CACNA1C: variants seen among roughly 807,000 people sequenced by gnomAD.
The protein encoded by CACNA1C is calcium voltage-gated channel subunit alpha1 C.
A neutral mutation model predicts 229.0 loss-of-function variants in CACNA1C; 30 were observed. That is an observed-to-expected ratio of 0.13 (90% CI 0.10 to 0.18). The LOEUF is 0.18. CACNA1C is among the 10% of genes least tolerant of loss of function. The pLI is 1.00. For missense variants in CACNA1C, 1,658 were observed against 2,845.0 expected, an observed-to-expected ratio of 0.58 and a Z score of 9.49; for synonymous variants, 1,114 against 1,132.5, an observed-to-expected ratio of 0.98 and a Z score of 0.33.
intron 3 of CACNA1C, among the ~76,000 whole-genome samples, chr12:2,197,328 C>G (rs1373217592): frequency 6.6e-6 from 1 of 152,170 alleles, no homozygotes; most frequent in Non-Finnish European, 1.5e-5. Flanking sequence ...CCTTGCTGCC[C>G]CCATCCCCCT....
intron 3 of CACNA1C, chr12:2,222,411 C>G (rs1566496390): frequency 6.6e-6 from 1 of 152,244 alleles, no homozygotes; most frequent in Non-Finnish European, 1.5e-5. Context: ...AATGCACAGA[C>G]TCTTGGCTGC....
At chr12:1,989,248 G>T (rs2038697853) in intron 1 of CACNA1C, among the ~76,000 whole-genome samples, 1 of 152,166 alleles carries the variant, frequency 6.6e-6, no homozygotes, top group East Asian at 1.9e-4. Context: ...ATCTGGATAT[G>T]GCGGTTTAGC....
intron 3 of CACNA1C, among the ~76,000 whole-genome samples, chr12:2,411,540 C>G (rs887264091): frequency 2.0e-5 from 3 of 152,184 alleles, no homozygotes; most frequent in African/African-American, 2.4e-5. Context: ...GAACAGAGCC[C>G]TTGCCTCTGT....
At chr12:2,417,538 C>G (rs534246769) in intron 3 of CACNA1C, among the ~76,000 whole-genome samples, 1 of 152,258 alleles carries the variant, frequency 6.6e-6, no homozygotes, top group East Asian at 1.9e-4. Context: ...TCTGGCCTGT[C>G]GGATCAAGGG....
At chr12:2,507,405 G>A (rs887763939) in intron 8 of CACNA1C, among the ~76,000 whole-genome samples, 1 of 152,182 alleles carries the variant, frequency 6.6e-6, no homozygotes, top group Non-Finnish European at 1.5e-5. Context: ...GCCAAAGCTG[G>A]AATCAGCTTC....
intron 34 of CACNA1C, among the ~76,000 whole-genome samples, chr12:2,661,187 A>G (rs978078927): frequency 1.1e-4 from 16 of 151,854 alleles, no homozygotes; most frequent in Non-Finnish European, 2.2e-4. Flanking sequence ...ACTTGGGCCC[A>G]GGAGTTTGAG....
chr12:2,027,745 T>C (rs892765448), intron 1 of CACNA1C, among the ~76,000 whole-genome samples: 3 of 152,208 alleles, frequency 2.0e-5, no homozygotes, highest in African/African-American at 7.2e-5. Flanking sequence ...AATTATTCAT[T>C]GACCAAGCTT....
intron 3 of CACNA1C, among the ~76,000 whole-genome samples, chr12:2,187,524 C>T (rs976125649): frequency 2.9e-4 from 34 of 117,814 alleles, no homozygotes; most frequent in Non-Finnish European, 2.8e-4. Context: ...TGAGCATCTG[C>T]GCAGGGCTTA....
intron 3 of CACNA1C, among the ~76,000 whole-genome samples, chr12:2,374,843 G>A (rs775831053): frequency 6.6e-6 from 1 of 152,206 alleles, no homozygotes; most frequent in Non-Finnish European, 1.5e-5. Context: ...AGGCAGAAGC[G>A]CGTTTCCTCA....
At chr12:2,652,247 C>G (rs994887103) in intron 32 of CACNA1C, among the ~76,000 whole-genome samples, 3 of 152,172 alleles carry the variant, frequency 2.0e-5, no homozygotes, top group Non-Finnish European at 4.4e-5. Context: ...CGGCCAGAGT[C>G]GCAGGACCCT....
intron 18 of CACNA1C, among the ~76,000 whole-genome samples, chr12:2,589,165 G>A (rs935338398): frequency 1.3e-5 from 2 of 152,162 alleles, no homozygotes; most frequent in African/African-American, 4.8e-5. Context: ...TAGGTACCAG[G>A]GACATGGGGG....
At chr12:2,139,586 A>G (rs2093930590) in intron 3 of CACNA1C, among the ~76,000 whole-genome samples, 1 of 150,930 alleles carries the variant, frequency 6.6e-6, no homozygotes, top group Admixed American at 6.7e-5. Context: ...GCTGGTCCTG[A>G]CTGGGCCGCT....
intron 3 of CACNA1C, among the ~76,000 whole-genome samples, chr12:2,404,861 A>G (rs34729625): frequency 0.12 from 18,111 of 152,200 alleles, 1,307 homozygotes; most frequent in African/African-American, 0.19. Flanking sequence ...GTATCCAGGA[A>G]GAAGAGTAGC....
chr12:1,973,045 T>C (rs1337534910), intron 1 of CACNA1C, among the ~76,000 whole-genome samples: 1 of 152,234 alleles, frequency 6.6e-6, no homozygotes, highest in Non-Finnish European at 1.5e-5. Flanking sequence ...CTCAAAATGC[T>C]TTCCTCCGGC....
chr12:2,579,020 C>T (rs968645473), intron 13 of CACNA1C, among the ~76,000 whole-genome samples: 9 of 152,102 alleles, frequency 5.9e-5, no homozygotes, highest in Non-Finnish European at 1.3e-4. Flanking sequence ...TTCTGAGGGG[C>T]TCCCAGGTCA....
intron 1 of CACNA1C, among the ~76,000 whole-genome samples, chr12:2,009,644 C>T (rs1221570227): frequency 1.3e-5 from 2 of 152,124 alleles, no homozygotes; most frequent in African/African-American, 4.8e-5. Flanking sequence ...TATGAGTTGC[C>T]CTTTTTTTGC....
chr12:2,255,286 ACCT>A (rs1356637280), intron 3 of CACNA1C, among the ~76,000 whole-genome samples: 2 of 151,528 alleles, frequency 1.3e-5, no homozygotes, highest in African/African-American at 4.9e-5. Flanking sequence ...AAAAAAAAAA[ACCT>A]AGTTACTAGG....
intron 13 of CACNA1C, among the ~76,000 whole-genome samples, chr12:2,578,869 A>G (rs1414388645): frequency 6.6e-6 from 1 of 152,096 alleles, no homozygotes; most frequent in East Asian, 1.9e-4. Flanking sequence ...GTCCCTGCCC[A>G]CGTCCTTGCC....
chr12:2,106,211 G>A (rs2078440220), intron 1 of CACNA1C, among the ~76,000 whole-genome samples: 1 of 54,590 alleles, frequency 1.8e-5, no homozygotes, highest in Non-Finnish European at 4.4e-5. Context: ...AAGCCACTGG[G>A]TGCCCACCCC....
Sources: gnomAD v4.1 joint callset for allele counts (sites outside exome capture counted in the v4.1 genomes callset) on GRCh38, gnomAD v4.1.1 for gene constraint, MANE v1.5 for transcripts, NCBI Gene and HGNC (gene_info 2026-07-23, HGNC 2026-07-21) for gene names.